Variants in ROR1 observed in about 807,000 individuals in gnomAD.
ROR1 encodes ROR family WNT receptor 1, also known as inactive tyrosine-protein kinase transmembrane receptor ROR1.
A neutral mutation model predicts 78.8 loss-of-function variants in ROR1; 19 were observed. The ratio of observed to expected loss-of-function variants is 0.24; its 90% CI spans 0.17 to 0.35. The LOEUF (loss-of-function observed/expected upper bound fraction) is 0.35, where lower values mean the gene tolerates loss of function less well. ROR1 is among the 10% of genes least tolerant of loss of function. The pLI is 1.00. For synonymous variants in ROR1, 386 were observed against 433.6 expected (o/e 0.89, Z 1.36); for missense variants, 917 against 1,177.8 (o/e 0.78, Z 3.24).
intron 2 of ROR1, among the ~76,000 whole-genome samples, chr1:64,022,019 A>G (rs938005023): frequency 8.5e-5 from 13 of 152,238 alleles, no homozygotes; most frequent in Non-Finnish European, 1.9e-4. Context: ...GATGACTGGT[A>G]AACAAAGAGT....
intron 1 of ROR1, among the ~76,000 whole-genome samples, chr1:63,809,351 C>T (rs61765105): frequency 0.025 from 3,835 of 152,188 alleles, 78 homozygotes; most frequent in Non-Finnish European, 0.04. Context: ...GGGAACAAAG[C>T]GGGAGAACAA....
intron 1 of ROR1, among the ~76,000 whole-genome samples, chr1:63,870,543 A>C (rs959240316): frequency 1.3e-5 from 2 of 152,202 alleles, no homozygotes; most frequent in African/African-American, 4.8e-5. Context: ...AGGTTCCAAC[A>C]TTATTACTCT....
intron 1 of ROR1, among the ~76,000 whole-genome samples, chr1:63,963,597 AC>A (rs1330952270): frequency 2.6e-4 from 39 of 151,582 alleles, no homozygotes; most frequent in Admixed American, 3.9e-4. Flanking sequence ...AAAAAAAAAA[AC>A]AAAACAAAAA....
chr1:63,913,100 T>C (rs1645584166), intron 1 of ROR1, among the ~76,000 whole-genome samples: 1 of 152,062 alleles, frequency 6.6e-6, no homozygotes, highest in African/African-American at 2.4e-5. Context: ...TTCTGGTAGG[T>C]GAAGAAAATT....
intron 7 of ROR1, among the ~76,000 whole-genome samples, chr1:64,152,176 T>C (rs2100723091): frequency 6.6e-6 from 1 of 152,354 alleles, no homozygotes; most frequent in Middle Eastern, 3.4e-3. Context: ...AACAAGTCTA[T>C]GGACTGGATC....
intron 1 of ROR1, among the ~76,000 whole-genome samples, chr1:63,930,674 T>C (rs1246452174): frequency 6.6e-6 from 1 of 152,212 alleles, no homozygotes; most frequent in East Asian, 1.9e-4. Context: ...TTCCTGACCA[T>C]CGCTCATTTT....
chr1:63,907,114 C>T (rs992130979), intron 1 of ROR1, among the ~76,000 whole-genome samples: 1 of 152,178 alleles, frequency 6.6e-6, no homozygotes, highest in Non-Finnish European at 1.5e-5. Context: ...CAGCTCTCTC[C>T]ACAGCTTTCG....
At chr1:64,148,401 G>A (rs1185291968) in intron 7 of ROR1, among the ~76,000 whole-genome samples, 1 of 152,136 alleles carries the variant, frequency 6.6e-6, no homozygotes, top group East Asian at 1.9e-4. Flanking sequence ...GTAAGCTAGT[G>A]GGGCAGATTT....
In ROR1 at chr1:64,039,829, C is replaced by T. The variant is rs561481685; in HGVS notation, c.164-9862C>T. Among the ~76,000 whole-genome samples the T allele has an allele frequency of 2.8e-4, 42 of 152,290 alleles. 1 individual carries two copies. Among genetic ancestry groups the T allele is most frequent in the African/African-American group, 9.6e-4 (40 of 41,566 alleles). On this transcript the variant is annotated intron_variant, in intron 2 of 8. Coordinates refer to ENST00000371079, the MANE Select transcript of ROR1 (RefSeq NM_005012.4). ...TAAAAGTTCATTACGTGGACCCACT[C>T]ATCCTGTCCTGCTATAGTTAAGGTC... is the stretch of plus-strand genomic sequence containing the variant.
intron 1 of ROR1, among the ~76,000 whole-genome samples, chr1:63,876,671 TGTGTGTGTGTGCGC>T (rs1403127568): frequency 1.2e-4 from 15 of 123,244 alleles, no homozygotes; most frequent in African/African-American, 5.2e-4. Context: ...TGTGTGTGTG[TGTGTGTGTGTGCGC>T]GTGTGTGTGT....
intron 6 of ROR1, among the ~76,000 whole-genome samples, chr1:64,140,949 A>G (rs1395576311): frequency 1.3e-5 from 2 of 152,208 alleles, no homozygotes; most frequent in East Asian, 3.9e-4. Context: ...GCCAGACACC[A>G]TTGTATGATC....
intron 1 of ROR1, among the ~76,000 whole-genome samples, chr1:63,950,757 G>A (rs1281196750): frequency 2.0e-5 from 3 of 152,180 alleles, no homozygotes; most frequent in Non-Finnish European, 4.4e-5. Flanking sequence ...TGAATGCAAG[G>A]GCAGCCAGAT....
intron 2 of ROR1, among the ~76,000 whole-genome samples, chr1:64,029,805 T>C (rs1233560559): frequency 2.0e-5 from 3 of 152,224 alleles, no homozygotes; most frequent in Non-Finnish European, 4.4e-5. Context: ...CTAACTCCAA[T>C]ATAAATTTTG....
At chr1:63,846,303 T>C (rs1645081408) in intron 1 of ROR1, among the ~76,000 whole-genome samples, 1 of 152,126 alleles carries the variant, frequency 6.6e-6, no homozygotes, top group Non-Finnish European at 1.5e-5. Context: ...CACCTTTTCT[T>C]TGTAATTCTT....
rs1287399844 is a variant in ROR1, at chr1:64,137,501, G to C, written c.610+5G>C. ...AAATAGAAAATCAGATCACAGGTAG[G>C]TAGCACCAATGAAATTATATTTGTC... On this transcript the variant is annotated splice_donor_5th_base_variant and intron_variant, in intron 5 of 8. Transcript: ENST00000371079. 3.7e-6 allele frequency: 6 copies of C among 1,608,338 alleles called. No homozygotes were observed. The highest frequency in any genetic ancestry group is 5.1e-6 in the Non-Finnish European group (6 of 1,177,670).
At chr1:63,782,402 C>A (rs1340899606) in intron 1 of ROR1, among the ~76,000 whole-genome samples, 1 of 152,050 alleles carries the variant, frequency 6.6e-6, no homozygotes, top group Non-Finnish European at 1.5e-5. Flanking sequence ...GGCTTGACAA[C>A]CTTAGAAGTC....
rs1037943619 is a variant in ROR1 at position 64,178,654 on chromosome 1, G to A, written c.2613G>A (p.Leu871=). 1 of 1,613,980 alleles carries A rather than the reference G, an allele frequency of 6.2e-7. No homozygotes were observed. Among genetic ancestry groups the A allele is most frequent in the Non-Finnish European group, 8.5e-7 (1 of 1,180,032 alleles). The change falls in exon 9 of 9, where the codon TTG becomes TTA. Residue 871 remains leucine (L), a synonymous_variant. Transcript: ENST00000371079. The surrounding 1 kb of genome is among the most constrained non-coding windows in gnomAD (Gnocchi z 4.3). ...GSTSTGHVTS[L]PSSGSNQEAN... ...CTAGCACTGGCCATGTGACTAGCTT[G>A]CCCTCATCAGGATCCAATCAGGAAG... is the stretch of plus-strand genomic sequence containing the variant.
At chr1:63,907,534 A>C (rs1375075157) in intron 1 of ROR1, among the ~76,000 whole-genome samples, 1 of 152,230 alleles carries the variant, frequency 6.6e-6, no homozygotes, top group Non-Finnish European at 1.5e-5. Context: ...TGAGTAAGTC[A>C]GGCCATGTAG....
chr1:63,989,162 G>GTTTTTTT (rs1287163623), intron 1 of ROR1, among the ~76,000 whole-genome samples: 2,900 of 116,660 alleles, frequency 0.025, 148 homozygotes, highest in African/African-American at 0.083. Context: ...GTCATTTTCT[G>GTTTTTTT]TTTTTGTTTT....
Sources: allele counts gnomAD v4.1 joint callset (sites outside exome capture counted in the v4.1 genomes callset), GRCh38; gene constraint gnomAD v4.1.1; non-coding constraint Gnocchi (gnomAD v3.1); transcripts MANE v1.5; gene names NCBI Gene and HGNC (gene_info 2026-07-23, HGNC 2026-07-21).